Variants in DLG5 observed in about 807,000 individuals in gnomAD.
The protein encoded by DLG5 is discs large MAGUK scaffold protein 5, also known as disks large homolog 5.
Under a neutral mutation model 189.8 loss-of-function variants are expected in DLG5, and 48 were observed. The ratio of observed to expected loss-of-function variants is 0.25; its 90% CI spans 0.20 to 0.32. The LOEUF (loss-of-function observed/expected upper bound fraction) is 0.32, where lower values mean the gene tolerates loss of function less well. DLG5 is among the 10% of genes least tolerant of loss of function. The pLI is 1.00. For missense variants in DLG5, 2,160 were observed against 2,544.7 expected, an observed-to-expected ratio of 0.85 and a Z score of 3.25; for synonymous variants, 1,016 against 1,054.1, an observed-to-expected ratio of 0.96 and a Z score of 0.70.
chr10:77,843,533 C>G lies in DLG5; in HGVS notation c.1038G>C (p.Gln346His). Residue 346 changes from glutamine (Q) to histidine (H), a missense_variant, in exon 6 of 32, where the codon CAG becomes CAC. Coordinates refer to ENST00000372391, the MANE Select transcript of DLG5 (RefSeq NM_004747.4). ...GCATCTCTGTCTGCTTCAGCAACCG[C>G]TGGTTCTCCTCCCCCAGCTGCTCCA... Reference protein sequence around the residue: ...SRLEQLGEENQRLLKQTEMLT... With the variant: ...SRLEQLGEENHRLLKQTEMLT... 1 of 1,614,200 alleles carries G rather than the reference C, an allele frequency of 6.2e-7. No individual in the cohort carries two copies. Among genetic ancestry groups the G allele is most frequent in the Non-Finnish European group, 8.5e-7 (1 of 1,180,042 alleles).
intron 1 of DLG5, among the ~76,000 whole-genome samples, chr10:77,876,716 A>AGGGAGGGAGGGAGGGAGGGAGGGAGGGG (rs1845105674): frequency 2.8e-5 from 1 of 35,130 alleles, no homozygotes. Context: ...GAAGGGAGGG[A>AGGGAGGGAGGGAGGGAGGGAGGGAGGGG]GGGAGGGAGG....
At chr10:77,880,432 C>T (rs1845243054) in intron 1 of DLG5, among the ~76,000 whole-genome samples, 1 of 152,144 alleles carries the variant, frequency 6.6e-6, no homozygotes, top group South Asian at 2.1e-4. Context: ...CCAACCTGGG[C>T]AACAGAGTGA....
chr10:77,933,637 T>C, the DLG5 span, among the ~76,000 whole-genome samples: 1 of 151,740 alleles, frequency 6.6e-6, no homozygotes, highest in Non-Finnish European at 1.5e-5. Flanking sequence ...GGCAGGAGAA[T>C]CGCTTGAACC....
chr10:77,891,825 C>T (rs1307069742), intron 1 of DLG5, among the ~76,000 whole-genome samples: 2 of 152,218 alleles, frequency 1.3e-5, no homozygotes, highest in African/African-American at 4.8e-5. Context: ...CATGCGGGAA[C>T]ACTGACTCCG....
intron 13 of DLG5, among the ~76,000 whole-genome samples, chr10:77,825,273 C>T (rs1378004689): frequency 6.6e-6 from 1 of 151,942 alleles, no homozygotes; most frequent in Non-Finnish European, 1.5e-5. Context: ...GGTGTTACTA[C>T]AAATGGGCAG....
chr10:77,883,661 C>T (rs1845349440), intron 1 of DLG5, among the ~76,000 whole-genome samples: 1 of 151,686 alleles, frequency 6.6e-6, no homozygotes, highest in Non-Finnish European at 1.5e-5. Context: ...CTATGGACCC[C>T]CTAAACAGTG....
chr10:77,813,578 C>T (rs1265610311), intron 20 of DLG5, among the ~76,000 whole-genome samples: 1 of 152,192 alleles, frequency 6.6e-6, no homozygotes, highest in Non-Finnish European at 1.5e-5. Flanking sequence ...ACACGGATTA[C>T]AGCCCCGTGC....
chr10:77,906,069 C>T (rs1462573002), intron 1 of DLG5, among the ~76,000 whole-genome samples: 1 of 152,218 alleles, frequency 6.6e-6, no homozygotes, highest in East Asian at 1.9e-4. Context: ...GAATGGACAT[C>T]CAGCTCTACC....
chr10:77,902,875 A>T, intron 1 of DLG5, among the ~76,000 whole-genome samples: 1 of 96,886 alleles, frequency 1.0e-5, no homozygotes. Flanking sequence ...ATAAATAAAA[A>T]AATAAATAAA....
chr10:77,882,128 C>T (rs1357793640), intron 1 of DLG5, among the ~76,000 whole-genome samples: 1 of 152,168 alleles, frequency 6.6e-6, no homozygotes, highest in Non-Finnish European at 1.5e-5. Context: ...CCCTTGCCCA[C>T]CACAATATTC....
At chr10:77,835,543 A>C (rs1055611487) in intron 8 of DLG5, among the ~76,000 whole-genome samples, 195 bp downstream of exon 8, 8 of 152,154 alleles carry the variant, frequency 5.3e-5, no homozygotes, top group Non-Finnish European at 1.2e-4. Flanking sequence ...GTGAGATGGG[A>C]GGGAGAAACA....
intron 1 of DLG5, among the ~76,000 whole-genome samples, chr10:77,915,347 A>G (rs1479923486): frequency 2.0e-5 from 3 of 152,000 alleles, no homozygotes; most frequent in Non-Finnish European, 2.9e-5. Flanking sequence ...AAAAATAGGA[A>G]CGTTTAGTGT....
At chr10:77,875,353 AG>A (rs1376184507) in intron 1 of DLG5, among the ~76,000 whole-genome samples, 1 of 152,178 alleles carries the variant, frequency 6.6e-6, no homozygotes, top group Non-Finnish European at 1.5e-5. Flanking sequence ...TTTCTCTGGA[AG>A]GGTAAGAAGT....
intron 5 of DLG5, among the ~76,000 whole-genome samples, chr10:77,853,087 AT>A (rs367808559): frequency 8.7e-4 from 131 of 151,382 alleles, no homozygotes; most frequent in Middle Eastern, 7.0e-3. Flanking sequence ...GGCTCCAATG[AT>A]CCTCCTGCCT....
intron 5 of DLG5, among the ~76,000 whole-genome samples, chr10:77,850,411 T>G (rs1843909784): frequency 6.6e-6 from 1 of 152,266 alleles, no homozygotes; most frequent in Non-Finnish European, 1.5e-5. Flanking sequence ...TATTCCATTG[T>G]ATGGATAGAT....
At chr10:77,836,921 GA>G (rs1843167806) in intron 7 of DLG5, among the ~76,000 whole-genome samples, 1 of 151,622 alleles carries the variant, frequency 6.6e-6, no homozygotes, top group Admixed American at 6.6e-5. Context: ...ATTTTAAAAA[GA>G]ATTATTTGGG....
chr10:77,822,453 G>C (rs953736352), intron 14 of DLG5, among the ~76,000 whole-genome samples: 1 of 152,168 alleles, frequency 6.6e-6, no homozygotes, highest in African/African-American at 2.4e-5. Flanking sequence ...AGACCAGCCT[G>C]ACCGATATGG....
intron 9 of DLG5, among the ~76,000 whole-genome samples, chr10:77,831,548 C>T (rs948691542): frequency 6.6e-6 from 1 of 152,160 alleles, no homozygotes; most frequent in Non-Finnish European, 1.5e-5. Flanking sequence ...AAACTCTCTA[C>T]CCAATTTAAG....
Position 77,796,663 on chromosome 10 carries a change from C to A in DLG5, c.5165-69G>T. 2 of 1,593,826 alleles carry A rather than the reference C, an allele frequency of 1.3e-6. No individual in the cohort carries two copies. The highest frequency in any genetic ancestry group is 1.7e-6 in the Non-Finnish European group (2 of 1,166,226). Reference sequence around the variant, plus strand: ...GGAGGACCTGAGTGGGGCTGGGGAACCCCGCTCCCTGACCTCGCCCACTCT... The same window carrying A: ...GGAGGACCTGAGTGGGGCTGGGGAAACCCGCTCCCTGACCTCGCCCACTCT... On this transcript the variant is annotated intron_variant, in intron 27 of 31. Coordinates refer to ENST00000372391, the MANE Select transcript of DLG5 (RefSeq NM_004747.4). This position sits in a 1 kb window ranked among gnomAD's most constrained non-coding sequence, Gnocchi z 5.2.
Sources: gnomAD v4.1 joint callset for allele counts (sites outside exome capture counted in the v4.1 genomes callset) on GRCh38, gnomAD v4.1.1 for gene constraint, Gnocchi (gnomAD v3.1) non-coding constraint, MANE v1.5 for transcripts, NCBI Gene and HGNC (gene_info 2026-07-23, HGNC 2026-07-21) for gene names.